The following QSOX2 variants were observed in gnomAD, a reference collection of about 807,000 sequenced individuals.
QSOX2 encodes sulfhydryl oxidase 2.
A neutral mutation model predicts 61.7 loss-of-function variants in QSOX2; 46 were observed. That is an observed-to-expected ratio of 0.75 (90% CI 0.59 to 0.95). The LOEUF (loss-of-function observed/expected upper bound fraction) is 0.95. Ranked by LOEUF, QSOX2 falls within the 40% of genes least tolerant of loss-of-function variation. The pLI is 0.00. For missense variants in QSOX2, 879 were observed against 918.9 expected (o/e 0.96, Z 0.56); for synonymous variants, 383 against 388.4 (o/e 0.99, Z 0.16).
chr9:136,224,439 C>T (rs896684597), intron 3 of QSOX2, among the ~76,000 whole-genome samples: 2 of 152,002 alleles, frequency 1.3e-5, no homozygotes, highest in African/African-American at 4.8e-5. Flanking sequence ...GCAGAGCCCC[C>T]CCAGGGCGCG....
In QSOX2 at chr9:136,221,759, G is replaced by A. The variant is rs1831983589; in HGVS notation, c.821+37C>T. 1.3e-6 allele frequency: 2 copies of A among 1,554,936 alleles called. No individual in the cohort carries two copies. Among genetic ancestry groups the A allele is most frequent in the Admixed American group, 1.9e-5 (1 of 53,702 alleles). Reference sequence around the variant, plus strand: ...CGGAGCCTCTGTCCGGTAACTCCGAGCGGCACGGAGTTCCCAGACCCCACC... The same window carrying A: ...CGGAGCCTCTGTCCGGTAACTCCGAACGGCACGGAGTTCCCAGACCCCACC... On this transcript the variant is annotated intron_variant, in intron 6 of 11. Coordinates refer to ENST00000358701, the MANE Select transcript of QSOX2 (RefSeq NM_181701.4). This position sits in a 1 kb window ranked among gnomAD's most constrained non-coding sequence, Gnocchi z 4.5.
At chr9:136,215,807 C>A (rs761504641) in intron 9 of QSOX2, among the ~76,000 whole-genome samples, 8 of 152,200 alleles carry the variant, frequency 5.3e-5, no homozygotes, top group Admixed American at 2.0e-4. Context: ...GGTTTGGTTT[C>A]GTGTCTCATC....
At position 136,214,596 on chromosome 9, in the gene QSOX2, G is replaced by A. The variant is rs567561645; in HGVS notation, c.1360+558C>T. Among the ~76,000 whole-genome samples the A allele has an allele frequency of 5.3e-5, 8 of 152,314 alleles. No individual in the cohort carries two copies. The South Asian group carries it at 1.7e-3, about 32-fold the overall frequency. ...GCAGGCCCTGCTCTCTGCCCCATGA[G>A]GGTGCTGGGAAGCCACTCTCCCCAG... On this transcript the variant is annotated intron_variant, in intron 10 of 11. Coordinates refer to ENST00000358701, the MANE Select transcript of QSOX2 (RefSeq NM_181701.4).
rs773354897 is a variant in QSOX2 at position 136,208,691 on chromosome 9, A to G, written c.*37T>C. On this transcript the variant is annotated 3_prime_UTR_variant, in exon 12 of 12. Coordinates refer to ENST00000358701, the MANE Select transcript of QSOX2 (RefSeq NM_181701.4). ...GGTGGCACGGGGCAGGGCTGCCTCC[A>G]AGGGAGCTTCCGCCGTGGCTGGCAG... The G allele has an allele frequency of 1.9e-6, 3 of 1,577,214 alleles. No individual in the cohort carries two copies. The highest frequency in any genetic ancestry group is 1.7e-6 in the Non-Finnish European group (2 of 1,158,972).
intron 6 of QSOX2, among the ~76,000 whole-genome samples, chr9:136,220,889 G>A (rs1831972948): frequency 6.6e-6 from 1 of 151,904 alleles, no homozygotes. Context: ...CTTTTTTTTA[G>A]TATAGATGGG....
intron 1 of QSOX2, among the ~76,000 whole-genome samples, chr9:136,233,629 T>C (rs761052711): frequency 3.3e-5 from 5 of 152,238 alleles, no homozygotes; most frequent in Non-Finnish European, 5.9e-5. Flanking sequence ...ACGGGATTTA[T>C]GACAGAGCCA....
rs1009532266 is a variant in QSOX2 at position 136,209,061 on chromosome 9, C to T, written c.1764G>A (p.Glu588=). Reference sequence around the variant, plus strand: ...GGGGAGTGAGTCTTTTCTCCTCTTCCTCACCCCTGGCCAGGGTTCCTCCTT... The same window carrying T: ...GGGGAGTGAGTCTTTTCTCCTCTTCTTCACCCCTGGCCAGGGTTCCTCCTT... The part of the protein sequence containing the change: ...SSEGGTLARG[E]EEEKRLTPPE... Residue 588 remains glutamate (E), a synonymous_variant, in exon 12 of 12, where the codon GAG becomes GAA. Transcript: ENST00000358701. This position sits in a 1 kb window ranked among gnomAD's most constrained non-coding sequence, Gnocchi z 5.6. 7 of 1,614,046 alleles carry T rather than the reference C, an allele frequency of 4.3e-6. No individual in the cohort carries two copies. In the Admixed American group the frequency reaches 1.0e-4, roughly 23 times the overall value.
chr9:136,208,617 C>G lies in QSOX2; in HGVS notation c.*111G>C. 7.6e-7 allele frequency: 1 copy of G among 1,315,292 alleles called. No homozygotes were observed. Among genetic ancestry groups the G allele is most frequent in the Non-Finnish European group, 1.0e-6 (1 of 984,682 alleles). The allele number at this position is 1,315,292 out of a possible 1,614,324, so 81.5% of individuals were successfully genotyped here. A position where few individuals can be genotyped will look rare whatever the true frequency, so the allele number is the denominator to read the frequency against. ...CCAAAAGGTGCCATCCGATGTGAAA[C>G]CAGGCCCGCATGTTTATAAAATCCC... On this transcript the variant is annotated 3_prime_UTR_variant, in exon 12 of 12. Coordinates refer to ENST00000358701, the MANE Select transcript of QSOX2 (RefSeq NM_181701.4).
chr9:136,211,549 T>C, intron 10 of QSOX2, 97 bp from the exon 11 acceptor site: 1 of 1,271,952 alleles, frequency 7.9e-7, no homozygotes, highest in Non-Finnish European at 1.1e-6. Context: ...GCTCCTGACA[T>C]GTCGGGAAGC....
Position 136,209,111 on chromosome 9 carries a change from A to G in QSOX2, c.1714T>C (p.Ser572Pro). Residue 572 changes from serine to proline, a missense_variant, in exon 12 of 12, where the codon TCC (serine) becomes CCC (proline). Ser to Pro is a moderately conservative substitution (Grantham distance 74, BLOSUM62 -1). Transcript: ENST00000358701. The surrounding 1 kb of genome is among the most constrained non-coding windows in gnomAD (Gnocchi z 5.6). ...YGRDNLLDTY[S>P]ADQGDSSEGG... Reference sequence around the variant, plus strand: ...TCACTGGAATCCCCCTGGTCTGCGGAATACGTGTCTAAGAGGTTGTCGCGG... The same window carrying G: ...TCACTGGAATCCCCCTGGTCTGCGGGATACGTGTCTAAGAGGTTGTCGCGG... The G allele has an allele frequency of 1.9e-6, 3 of 1,614,140 alleles. No homozygotes were observed. Among genetic ancestry groups the G allele is most frequent in the Non-Finnish European group, 2.5e-6 (3 of 1,180,032 alleles).
At chr9:136,245,438 C>CG in intron 1 of QSOX2, 38 bp downstream of exon 1, 1 of 1,509,066 alleles carries the variant, frequency 6.6e-7, no homozygotes, top group Non-Finnish European at 8.9e-7. Context: ...GCCGCGGTCC[C>CG]GGGGGTCGGG....
At chr9:136,233,267 G>GAAGT (rs1367270226) in intron 1 of QSOX2, among the ~76,000 whole-genome samples, 2 of 152,244 alleles carry the variant, frequency 1.3e-5, no homozygotes, top group Admixed American at 1.3e-4. Context: ...CTGAAGCCAG[G>GAAGT]AAGTACCTTC....
Position 136,208,446 on chromosome 9 carries a change from A to C in QSOX2, c.*282T>G. ...TGCACCCTCTTTTCACATCTAGAAG[A>C]GTAAAAATACAGAAGTCTTTTTGCT... On this transcript the variant is annotated 3_prime_UTR_variant, in exon 12 of 12. Coordinates refer to ENST00000358701, the MANE Select transcript of QSOX2 (RefSeq NM_181701.4). 1 of 377,354 alleles carries C rather than the reference A, an allele frequency of 2.7e-6. No homozygotes were observed. Among genetic ancestry groups the C allele is most frequent in the Non-Finnish European group, 4.8e-6 (1 of 209,970 alleles). 23.4% of individuals were successfully genotyped at this position (377,354 alleles called of 1,614,324 possible).
chr9:136,216,782 C>CG (rs1831919375), intron 8 of QSOX2, 60 bp from the exon 9 acceptor site: 13 of 1,590,838 alleles, frequency 8.2e-6, no homozygotes, highest in Admixed American at 1.7e-5. Flanking sequence ...GCCCCCACCG[C>CG]GGGGGGCACC....
At position 136,207,737 on chromosome 9, in the gene QSOX2, G is replaced by A. The variant is rs917751713; in HGVS notation, c.*991C>T. On this transcript the variant is annotated 3_prime_UTR_variant, in exon 12 of 12. Transcript: ENST00000358701. ...AGGTGCCTCTGTGGTGCTGGGTGAA[G>A]AGCAGACGACAGGGGGGGCTTTAGA... 6.6e-6 allele frequency: 1 copy of A among 152,366 alleles called. No homozygotes were observed. Among genetic ancestry groups the A allele is most frequent in the South Asian group, 2.1e-4 (1 of 4,830 alleles). 9.4% of individuals were successfully genotyped at this position (152,366 alleles called of 1,614,324 possible).
At position 136,218,805 on chromosome 9, in the gene QSOX2, C is replaced by T. The variant is rs770914309; in HGVS notation, c.960G>A (p.Ser320=). The T allele has an allele frequency of 9.3e-6, 15 of 1,612,984 alleles. No homozygotes were observed. The highest frequency in any genetic ancestry group is 2.2e-5 in the South Asian group (2 of 91,064). ...ACTCCAGGTCCACCGTGTACAGCTT[C>T]GACCTAGGACGGGATATGGCAGCGT... The part of the protein sequence containing the change: ...EIVVWREFDK[S]KLYTVDLESG... Residue 320 remains serine (S), a synonymous_variant, in exon 8 of 12, where the codon TCG becomes TCA. Coordinates refer to ENST00000358701, the MANE Select transcript of QSOX2 (RefSeq NM_181701.4).
chr9:136,215,280 G>A lies in QSOX2; in HGVS notation c.1234C>T (p.His412Tyr). 6.2e-7 allele frequency: 1 copy of A among 1,613,508 alleles called. No individual in the cohort carries two copies. Among genetic ancestry groups the A allele is most frequent in the Non-Finnish European group, 8.5e-7 (1 of 1,179,864 alleles). The change falls in exon 10 of 12, where the codon CAC becomes TAC. Residue 412 changes from histidine (H) to tyrosine (Y), a missense_variant. Transcript: ENST00000358701. ...MRISGIFLTN[H>Y]IKWVGCQGSR... Reference sequence around the variant, plus strand: ...CCTTGACATCCAACCCACTTTATGTGATTAGTAAGGAATATTCCAGAAATC... The same window carrying A: ...CCTTGACATCCAACCCACTTTATGTAATTAGTAAGGAATATTCCAGAAATC...
At chr9:136,231,061 A>C (rs1010752738) in intron 1 of QSOX2, among the ~76,000 whole-genome samples, 1 of 152,208 alleles carries the variant, frequency 6.6e-6, no homozygotes, top group African/African-American at 2.4e-5. Context: ...TGGGAAGTAA[A>C]TTTACACAGC....
Position 136,221,739 on chromosome 9 carries a change from C to T in QSOX2, c.821+57G>A. 6.6e-7 allele frequency: 1 copy of T among 1,514,512 alleles called. No individual in the cohort carries two copies. The highest frequency in any genetic ancestry group is 8.9e-7 in the Non-Finnish European group (1 of 1,125,908). The allele number at this position is 1,514,512 out of a possible 1,614,324, so 93.8% of individuals were successfully genotyped here. On this transcript the variant is annotated intron_variant, in intron 6 of 11. Transcript: ENST00000358701. This position sits in a 1 kb window ranked among gnomAD's most constrained non-coding sequence, Gnocchi z 4.5. ...CCAGACTTGCACTGTCTACTCGGAG[C>T]CTCTGTCCGGTAACTCCGAGCGGCA...
Sources: allele counts gnomAD v4.1 joint callset (sites outside exome capture counted in the v4.1 genomes callset), GRCh38; gene constraint gnomAD v4.1.1; non-coding constraint Gnocchi (gnomAD v3.1); transcripts MANE v1.5; gene names NCBI Gene and HGNC (gene_info 2026-07-23, HGNC 2026-07-21).